The following COG4 variants were observed in gnomAD, a reference collection of about 807,000 sequenced individuals.
The protein encoded by COG4 is conserved oligomeric Golgi complex subunit 4.
A neutral mutation model predicts 95.1 loss-of-function variants in COG4; 65 were observed. The observed-to-expected ratio is 0.68, with a 90% CI of 0.56 to 0.84. The LOEUF (loss-of-function observed/expected upper bound fraction) is 0.84, where lower values mean the gene tolerates loss of function less well. Ranked by LOEUF, COG4 falls within the 40% of genes least tolerant of loss-of-function variation. The pLI is 0.00. For missense variants in COG4, 1,045 were observed against 989.1 expected (o/e 1.06, Z -0.76); for synonymous variants, 421 against 374.8 (o/e 1.12, Z -1.42).
At chr16:70,508,140 C>A (rs1397003906) in intron 8 of COG4, among the ~76,000 whole-genome samples, 2 of 151,974 alleles carry the variant, frequency 1.3e-5, no homozygotes, top group Non-Finnish European at 2.9e-5. Context: ...AGGCTGGTCT[C>A]GAACTCCCGA....
chr16:70,490,624 G>T (rs1006125374), intron 12 of COG4, among the ~76,000 whole-genome samples: 2 of 152,174 alleles, frequency 1.3e-5, no homozygotes, highest in African/African-American at 4.8e-5. Context: ...ATGACAGGGA[G>T]CCTAAAGCTA....
At chr16:70,495,184 A>C (rs2049315727) in intron 12 of COG4, among the ~76,000 whole-genome samples, 1 of 151,718 alleles carries the variant, frequency 6.6e-6, no homozygotes, top group Non-Finnish European at 1.5e-5. Flanking sequence ...TGAGGTCAGA[A>C]GTTCGAGACC....
Position 70,519,642 on chromosome 16 carries a change from G to A in COG4, c.254+7C>T, listed in dbSNP as rs201263573. 5.1e-5 allele frequency: 81 copies of A among 1,602,568 alleles called. No homozygotes were observed. The highest frequency in any genetic ancestry group is 6.8e-5 in the Non-Finnish European group (79 of 1,169,710). On this transcript the variant is annotated splice_region_variant and intron_variant, in intron 2 of 18. Transcript: ENST00000323786. ...ACATTAGCTCTTGCTGAGATGCACA[G>A]ACTCACCCCATTCGGTGGAGAGTGA...
intron 8 of COG4, among the ~76,000 whole-genome samples, chr16:70,507,297 CAA>C (rs981759802): frequency 8.5e-5 from 13 of 152,174 alleles, no homozygotes; most frequent in African/African-American, 3.1e-4. Context: ...TCGGTATACA[CAA>C]GAGGGTTCCC....
chr16:70,489,542 AGTT>A (rs1339731627), intron 13 of COG4, among the ~76,000 whole-genome samples: 1 of 146,652 alleles, frequency 6.8e-6, no homozygotes, highest in Non-Finnish European at 1.5e-5. Flanking sequence ...AAAAAAAAAA[AGTT>A]TTTTTTTTTT....
At position 70,509,397 on chromosome 16, in the gene COG4, G is replaced by C; in HGVS notation, c.845-9C>G. ...CACAATGCGGGCAATCCCTAGAAGG[G>C]AGGAAGCAATAGGGTTATATTCCAA... is the stretch of plus-strand genomic sequence containing the variant. On this transcript the variant is annotated splice_polypyrimidine_tract_variant and intron_variant, in intron 6 of 18. Coordinates refer to ENST00000323786, the MANE Select transcript of COG4 (RefSeq NM_015386.3). 6.2e-7 allele frequency: 1 copy of C among 1,614,162 alleles called. No homozygotes were observed.
chr16:70,497,111 T>C (rs996509551), intron 11 of COG4, 110 bp downstream of exon 11: 4 of 1,081,996 alleles, frequency 3.7e-6, no homozygotes, highest in Non-Finnish European at 5.6e-6. Context: ...GCTGATGTCC[T>C]GTATAGAACT....
At chr16:70,517,782 G>T in intron 2 of COG4, 42 bp from the exon 3 acceptor site, 1 of 1,391,762 alleles carries the variant, frequency 7.2e-7, no homozygotes, top group Non-Finnish European at 1.0e-6. Flanking sequence ...CGATAGGGCA[G>T]AGAAGAGACA....
chr16:70,522,429 C>A (rs2049967846), intron 1 of COG4, among the ~76,000 whole-genome samples: 1 of 152,218 alleles, frequency 6.6e-6, no homozygotes, highest in African/African-American at 2.4e-5. Context: ...CCAGCCTGCG[C>A]AACAGAGAGC....
In COG4 at chr16:70,519,199, T is replaced by C. The variant is rs1410843980; in HGVS notation, c.254+450A>G. On this transcript the variant is annotated intron_variant, in intron 2 of 18. Transcript: ENST00000323786. Reference sequence around the variant, plus strand: ...CGGACTGCAGTGGCGCAATCTCGGCTCATTGCAAGCTCCGCTTCCCCGGGT... The same window carrying C: ...CGGACTGCAGTGGCGCAATCTCGGCCCATTGCAAGCTCCGCTTCCCCGGGT... 2.2e-5 allele frequency among the ~76,000 whole-genome samples: 2 copies of C among 91,544 alleles called. 1 individual carries two copies. The highest frequency in any genetic ancestry group is 3.7e-5 in the Non-Finnish European group (2 of 54,230). 60.1% of individuals were successfully genotyped at this position (91,544 alleles called of 152,430 possible).
intron 14 of COG4, 85 bp downstream of exon 14, chr16:70,483,767 TC>T (rs1284582032): frequency 9.3e-7 from 1 of 1,076,566 alleles, no homozygotes; most frequent in Non-Finnish European, 1.4e-6. Context: ...CCTCCTGGCT[TC>T]CTTGCACACG....
At chr16:70,520,367 CGGGGGGTGGGGGG>C (rs1301797509) in intron 1 of COG4, among the ~76,000 whole-genome samples, 1 of 17,690 alleles carries the variant, frequency 5.7e-5, no homozygotes. Context: ...GACATGAACC[CGGGGGGTGGGGGG>C]GGGGGGGGGC....
chr16:70,519,676 C>T lies in COG4; in HGVS notation c.227G>A (p.Ser76Asn). The T allele has an allele frequency of 6.2e-7, 1 of 1,613,812 alleles. No individual in the cohort carries two copies. Among genetic ancestry groups the T allele is most frequent in the Non-Finnish European group, 8.5e-7 (1 of 1,179,786 alleles). Residue 76 changes from serine to asparagine, a missense_variant, in exon 2 of 19, where the codon AGT becomes AAT. Physicochemically the swap from Ser to Asn is conservative, Grantham distance 46. Transcript: ENST00000323786. ...CATTCGGTGGAGAGTGACCATCTTACTTTCAATGGTGTTTTGCTGTTCCAA... is the reference window on the plus strand; with the variant it reads ...CATTCGGTGGAGAGTGACCATCTTATTTTCAATGGTGTTTTGCTGTTCCAA... The part of the protein sequence containing the change: ...ALLEQQNTIE[S>N]KMVTLHRMGP...
intron 5 of COG4, 55 bp from the exon 6 acceptor site, chr16:70,510,076 G>A (rs2049668325): frequency 4.9e-6 from 7 of 1,432,602 alleles, no homozygotes; most frequent in Middle Eastern, 3.5e-4. Flanking sequence ...CTCATACCAG[G>A]TATATCTCAG....
intron 13 of COG4, among the ~76,000 whole-genome samples, chr16:70,490,086 G>T (rs868181573): frequency 2.0e-5 from 3 of 152,144 alleles, no homozygotes; most frequent in Non-Finnish European, 4.4e-5. Flanking sequence ...CGAAAGTGCT[G>T]GGATTACAGG....
At position 70,482,799 on chromosome 16, in the gene COG4, C is replaced by T. The variant is rs1391915700; in HGVS notation, c.1850G>A (p.Ser617Asn). 1 of 1,613,768 alleles carries T rather than the reference C, an allele frequency of 6.2e-7. No individual in the cohort carries two copies. The highest frequency in any genetic ancestry group is 8.5e-7 in the Non-Finnish European group (1 of 1,179,850). The change falls in exon 15 of 19, where the codon AGC becomes AAC. Residue 617 changes from serine (S) to asparagine (N), a missense_variant. By Grantham distance (46) the Ser-to-Asn change is conservative. Transcript: ENST00000323786. ...LLQEGLTELN[S>N]TAIKPQVQPW... ...CTGCACCTGTGGCTTGATGGCTGTGCTGTTGAGCTCCGTCAGCCCTTCCTG... is the reference window on the plus strand; with the variant it reads ...CTGCACCTGTGGCTTGATGGCTGTGTTGTTGAGCTCCGTCAGCCCTTCCTG...
chr16:70,508,110 G>A (rs1180379252), intron 8 of COG4, among the ~76,000 whole-genome samples: 2 of 151,658 alleles, frequency 1.3e-5, no homozygotes, highest in Non-Finnish European at 2.9e-5. Context: ...TAGTAGAGAC[G>A]GGGTTTCACC....
chr16:70,487,299 A>T (rs1284555777), intron 13 of COG4, among the ~76,000 whole-genome samples: 3 of 151,248 alleles, frequency 2.0e-5, no homozygotes, highest in East Asian at 1.9e-4. Flanking sequence ...ATAAAAATAA[A>T]AAAAAAAAAA....
chr16:70,514,630 A>G (rs1597688642), intron 3 of COG4, 121 bp from the exon 4 acceptor site: 2 of 770,988 alleles, frequency 2.6e-6, no homozygotes, highest in East Asian at 5.3e-5. Flanking sequence ...TCTCACAAAC[A>G]CCACCACTAC....
Sources: allele counts gnomAD v4.1 joint callset (sites outside exome capture counted in the v4.1 genomes callset), GRCh38; gene constraint gnomAD v4.1.1; transcripts MANE v1.5; gene names NCBI Gene and HGNC (gene_info 2026-07-23, HGNC 2026-07-21).